ZNF846: variants seen among roughly 807,000 people sequenced by gnomAD.
The protein encoded by ZNF846 is zinc finger protein 846.
A neutral mutation model predicts 16.0 loss-of-function variants in ZNF846; 15 were observed. That is an observed-to-expected ratio of 0.94 (90% CI 0.63 to 1.45). The LOEUF (loss-of-function observed/expected upper bound fraction) is 1.45. Ranked by LOEUF, ZNF846 falls within the 40% of genes most tolerant of loss-of-function variation. The pLI is 0.00. For missense variants in ZNF846, 714 were observed against 622.3 expected, an observed-to-expected ratio of 1.15 and a Z score of -1.57; for synonymous variants, 229 against 212.0, an observed-to-expected ratio of 1.08 and a Z score of -0.70.
chr19:9,774,482 A>AG, intron 1 of ZNF846: 1 of 974,164 alleles, frequency 1.0e-6, no homozygotes, highest in African/African-American at 1.6e-5. Context: ...AAAAAAAAAA[A>AG]ATACCAAATC....
downstream of ZNF846, among the ~76,000 whole-genome samples, chr19:9,749,553 T>C (rs1211451747): frequency 2.0e-5 from 3 of 150,734 alleles, no homozygotes; most frequent in South Asian, 2.1e-4. Context: ...TTTCTTTTTT[T>C]TTTTTTTTTT....
chr19:9,771,892 C>T (rs1200423382), upstream of ZNF846, among the ~76,000 whole-genome samples: 1 of 152,068 alleles, frequency 6.6e-6, no homozygotes, highest in Non-Finnish European at 1.5e-5. Context: ...CTCAGCCTCC[C>T]AAGTAGCTGA....
At chr19:9,748,918 C>T (rs533688214), downstream of ZNF846, among the ~76,000 whole-genome samples, 17 of 152,266 alleles carry the variant, frequency 1.1e-4, no homozygotes, top group South Asian at 2.9e-3. Context: ...CTTCTCTTGC[C>T]TACTCCAGAT....
chr19:9,748,708 A>T (rs1268140879), downstream of ZNF846, among the ~76,000 whole-genome samples: 4 of 152,318 alleles, frequency 2.6e-5, no homozygotes, highest in East Asian at 7.7e-4. Context: ...CCTTCAACTT[A>T]AAAAAGACTG....
intron 2 of ZNF846, among the ~76,000 whole-genome samples, chr19:9,764,588 G>T (rs2045283943): frequency 6.6e-6 from 1 of 152,076 alleles, no homozygotes; most frequent in Non-Finnish European, 1.5e-5. Context: ...ATAACTGCTG[G>T]TATATCCAGT....
exon 6 of ZNF846, chr19:9,757,901 C>T: frequency 6.2e-7 from 1 of 1,613,442 alleles, no homozygotes; most frequent in Non-Finnish European, 8.5e-7. Context: ...ATTCATAGGG[C>T]TTTTCTCCAG....
At chr19:9,753,778 T>TCAA (rs2045107206), downstream of ZNF846, among the ~76,000 whole-genome samples, 1 of 151,760 alleles carries the variant, frequency 6.6e-6, no homozygotes, top group Non-Finnish European at 1.5e-5. Context: ...TGGTACTTTG[T>TCAA]GTTTCAGTCT....
chr19:9,768,810 C>G (rs1455203687), upstream of ZNF846: 1 of 152,260 alleles, frequency 6.6e-6, no homozygotes, highest in Non-Finnish European at 1.5e-5. Flanking sequence ...GCCCCAAGAG[C>G]TTTGGAATGA....
At chr19:9,768,978 G>A (rs1040237887), upstream of ZNF846, among the ~76,000 whole-genome samples, 3 of 152,200 alleles carry the variant, frequency 2.0e-5, no homozygotes, top group African/African-American at 7.2e-5. Flanking sequence ...GGGCCGGGTT[G>A]GAGGCGGGGA....
At chr19:9,761,151 C>T (rs1360910653) in intron 4 of ZNF846, among the ~76,000 whole-genome samples, 1 of 148,042 alleles carries the variant, frequency 6.8e-6, no homozygotes, top group African/African-American at 2.7e-5. Context: ...TGCAGTGAGC[C>T]AAGATGGCTC....
intron 1 of ZNF846, among the ~76,000 whole-genome samples, chr19:9,766,726 C>T (rs147047408): frequency 1.3e-5 from 2 of 151,060 alleles, no homozygotes; most frequent in Non-Finnish European, 2.9e-5. Flanking sequence ...ATGGTGAAAC[C>T]CCATCTCTAC....
chr19:9,766,797 G>T (rs1354323416), intron 1 of ZNF846, among the ~76,000 whole-genome samples: 1 of 151,664 alleles, frequency 6.6e-6, no homozygotes, highest in African/African-American at 2.4e-5. Flanking sequence ...CTACTCGGGA[G>T]GCCAAGGCAG....
intron 1 of ZNF846, chr19:9,774,970 C>T (rs1455563621): frequency 1.5e-5 from 24 of 1,607,674 alleles, no homozygotes; most frequent in Admixed American, 1.0e-4. Context: ...AAATCTGCCA[C>T]GATTGGTTCC....
chr19:9,783,542 A>ATATATAT (rs61553274), intron 1 of ZNF846, among the ~76,000 whole-genome samples: 505 of 118,152 alleles, frequency 4.3e-3, no homozygotes, highest in African/African-American at 0.019. Context: ...AAAAAAAAAA[A>ATATATAT]AAATATATAT....
chr19:9,756,345 G>GTGTATATATATA (rs1321690890), downstream of ZNF846: 385 of 81,622 alleles, frequency 4.7e-3, 3 homozygotes, highest in African/African-American at 0.014. Flanking sequence ...GTGTGTGTGT[G>GTGTATATATATA]TATATATATA....
downstream of ZNF846, among the ~76,000 whole-genome samples, chr19:9,749,820 C>T (rs556380544): frequency 2.5e-4 from 38 of 152,286 alleles, no homozygotes; most frequent in Non-Finnish European, 4.3e-4. Flanking sequence ...CTTGTCTTTA[C>T]CCACCTGAGG....
At chr19:9,780,048 G>GTTTTTTTTTTTTT (rs558280116) in intron 1 of ZNF846, among the ~76,000 whole-genome samples, 1 of 124,310 alleles carries the variant, frequency 8.0e-6, no homozygotes, top group African/African-American at 3.4e-5. Flanking sequence ...AGCTAATTTT[G>GTTTTTTTTTTTTT]TTTTTTTTTT....
exon 6 of ZNF846, chr19:9,758,353 T>C (rs1568321780): frequency 1.2e-6 from 2 of 1,613,530 alleles, no homozygotes; most frequent in Non-Finnish European, 8.5e-7. Flanking sequence ...CCATGTCCTA[T>C]AAGGTGTGAG....
upstream of ZNF846, among the ~76,000 whole-genome samples, chr19:9,771,077 C>T (rs991657970): frequency 5.3e-5 from 8 of 151,160 alleles, no homozygotes; most frequent in Admixed American, 2.6e-4. Context: ...GAGCAGTGTA[C>T]AATGTACCCA....
Sources: gnomAD v4.1 joint callset for allele counts (sites outside exome capture counted in the v4.1 genomes callset) on GRCh38, gnomAD v4.1.1 for gene constraint, MANE v1.5 for transcripts, NCBI Gene and HGNC (gene_info 2026-07-23, HGNC 2026-07-21) for gene names.